SLC35F3: variants seen among roughly 807,000 people sequenced by gnomAD.
The protein encoded by SLC35F3 is solute carrier family 35 member F3, also known as putative thiamine transporter SLC35F3.
SLC35F3 carries 25 observed loss-of-function variants against 49.9 expected under a neutral mutation model. That is an observed-to-expected ratio of 0.50 (90% CI 0.37 to 0.70). The LOEUF is 0.70. Among genes scored for constraint, SLC35F3 ranks in the 30% least tolerant of loss-of-function variants. The probability of loss-of-function intolerance (pLI) is 0.00; values close to 1 mark genes in which losing one functional copy is unlikely to be tolerated. For missense variants in SLC35F3, 525 were observed against 639.8 expected, an observed-to-expected ratio of 0.82 and a Z score of 1.94; for synonymous variants, 275 against 265.4, an observed-to-expected ratio of 1.04 and a Z score of -0.35.
At chr1:234,035,709 C>T (rs1199610973) in intron 2 of SLC35F3, among the ~76,000 whole-genome samples, 1 of 152,092 alleles carries the variant, frequency 6.6e-6, no homozygotes, top group Admixed American at 6.5e-5. Context: ...ACAACCCTTC[C>T]ACTGAGTTAT....
intron 2 of SLC35F3, among the ~76,000 whole-genome samples, chr1:233,929,354 G>A (rs534162521): frequency 2.6e-5 from 4 of 152,122 alleles, no homozygotes; most frequent in South Asian, 2.1e-4. Context: ...CTTTTAATGC[G>A]TCTAAGATTT....
intron 3 of SLC35F3, among the ~76,000 whole-genome samples, chr1:234,263,055 A>G (rs1387293261): frequency 6.6e-6 from 1 of 152,222 alleles, no homozygotes; most frequent in African/African-American, 2.4e-5. Context: ...GATCACACAC[A>G]TAAGTCACAT....
intron 2 of SLC35F3, among the ~76,000 whole-genome samples, chr1:233,952,525 C>T (rs1048624218): frequency 7.2e-5 from 11 of 152,160 alleles, no homozygotes; most frequent in African/African-American, 2.7e-4. Flanking sequence ...CTCTTCCACA[C>T]CATTGCTACA....
Position 234,171,242 on chromosome 1 carries a change from T to C in SLC35F3, c.284-60175T>C, listed in dbSNP as rs79374797. ...CAGGGGATTCTGCATACTGGGACCA[T>C]TGAGGAAGCCTTGAAGGGTACTAAT... On this transcript the variant is annotated intron_variant, in intron 2 of 7. Transcript: ENST00000366618. 7.2e-3 allele frequency among the ~76,000 whole-genome samples: 1,099 copies of C among 152,238 alleles called. 20 individuals carry two copies. The highest frequency in any genetic ancestry group is 0.025 in the African/African-American group (1,036 of 41,524).
chr1:234,261,286 C>T (rs752097855), intron 3 of SLC35F3, among the ~76,000 whole-genome samples: 1 of 152,128 alleles, frequency 6.6e-6, no homozygotes, highest in Non-Finnish European at 1.5e-5. Context: ...CAGAGAAGCC[C>T]TAAGGGCTGC....
At chr1:234,099,695 G>C (rs892726178) in intron 2 of SLC35F3, among the ~76,000 whole-genome samples, 7 of 151,582 alleles carry the variant, frequency 4.6e-5, no homozygotes, top group Admixed American at 4.6e-4. Context: ...ACACAGAGTT[G>C]CATTCTCTTC....
At chr1:234,042,078 C>T (rs371170044) in intron 2 of SLC35F3, among the ~76,000 whole-genome samples, 5 of 152,148 alleles carry the variant, frequency 3.3e-5, no homozygotes, top group Non-Finnish European at 7.3e-5. Context: ...TCTTCCCTGA[C>T]GTCAAGTTGC....
At chr1:234,267,501 C>CA (rs1668006797) in intron 3 of SLC35F3, among the ~76,000 whole-genome samples, 1 of 139,376 alleles carries the variant, frequency 7.2e-6, no homozygotes, top group Admixed American at 7.0e-5. Flanking sequence ...GCTGGCCGGG[C>CA]GGGGGGCTGA....
intron 2 of SLC35F3, among the ~76,000 whole-genome samples, chr1:234,126,497 A>C (rs1363559022): frequency 1.6e-5 from 1 of 61,160 alleles, no homozygotes; most frequent in Non-Finnish European, 3.6e-5. Context: ...GTGTGTATTT[A>C]GTTCTACATG....
chr1:234,177,605 G>A (rs1278810245), intron 2 of SLC35F3, among the ~76,000 whole-genome samples: 3 of 152,196 alleles, frequency 2.0e-5, no homozygotes, highest in African/African-American at 4.8e-5. Context: ...GCACTAACTT[G>A]TCAGAGTCTG....
intron 2 of SLC35F3, among the ~76,000 whole-genome samples, chr1:234,108,623 G>T (rs1665335580): frequency 1.8e-5 from 2 of 110,644 alleles, no homozygotes; most frequent in South Asian, 2.7e-4. Context: ...ATATATAAAA[G>T]ATATATATAT....
intron 2 of SLC35F3, among the ~76,000 whole-genome samples, chr1:233,991,520 A>G (rs1189195107): frequency 6.6e-6 from 1 of 152,182 alleles, no homozygotes; most frequent in Non-Finnish European, 1.5e-5. Context: ...ATTCAGACTT[A>G]GAGAGTGTTC....
chr1:234,051,401 A>G (rs1664373980), intron 2 of SLC35F3, among the ~76,000 whole-genome samples: 1 of 152,116 alleles, frequency 6.6e-6, no homozygotes, highest in Non-Finnish European at 1.5e-5. Flanking sequence ...CTTTGGAGCA[A>G]TTGTGAATGG....
At chr1:234,139,821 G>A (rs971294468) in intron 2 of SLC35F3, among the ~76,000 whole-genome samples, 13 of 151,802 alleles carry the variant, frequency 8.6e-5, no homozygotes, top group African/African-American at 1.4e-4. Flanking sequence ...GGTGGCACAC[G>A]CCTGTAGTCC....
At chr1:233,934,002 A>G (rs1356128078) in intron 2 of SLC35F3, among the ~76,000 whole-genome samples, 1 of 152,210 alleles carries the variant, frequency 6.6e-6, no homozygotes, top group African/African-American at 2.4e-5. Context: ...TTTCTACTCT[A>G]TTAGCACAAA....
At chr1:234,238,277 G>A (rs1558269889) in intron 3 of SLC35F3, among the ~76,000 whole-genome samples, 1 of 152,122 alleles carries the variant, frequency 6.6e-6, no homozygotes, top group Non-Finnish European at 1.5e-5. Flanking sequence ...CACACACATA[G>A]CCAGCTGAAT....
intron 6 of SLC35F3, among the ~76,000 whole-genome samples, chr1:234,319,424 C>T (rs1360127394): frequency 1.3e-5 from 2 of 152,188 alleles, no homozygotes; most frequent in Non-Finnish European, 2.9e-5. Flanking sequence ...ATATCCCAGC[C>T]AGGTACAGTG....
In SLC35F3 at chr1:234,072,586, C is replaced by T. The variant is rs538342510; in HGVS notation, c.284-158831C>T. 7.2e-5 allele frequency among the ~76,000 whole-genome samples: 11 copies of T among 152,058 alleles called. No individual in the cohort carries two copies. In the Middle Eastern group the frequency reaches 0.017, roughly 235 times the overall value. The stretch of plus-strand genomic sequence containing the variant: ...AACTTGCCATTTTCTATGCGGTGAC[C>T]GGGGAAGTATCTCTGATGTGAAGAT... On this transcript the variant is annotated intron_variant, in intron 2 of 7. Transcript: ENST00000366618.
At chr1:234,092,859 C>A (rs960817278) in intron 2 of SLC35F3, among the ~76,000 whole-genome samples, 11 of 152,216 alleles carry the variant, frequency 7.2e-5, no homozygotes, top group African/African-American at 1.9e-4. Flanking sequence ...CAGAGCAAGA[C>A]CCTGTCTCTA....
Sources: allele counts gnomAD v4.1 joint callset (sites outside exome capture counted in the v4.1 genomes callset), GRCh38; gene constraint gnomAD v4.1.1; transcripts MANE v1.5; gene names NCBI Gene and HGNC (gene_info 2026-07-23, HGNC 2026-07-21).